The following FANCC variants were observed in gnomAD, a reference collection of about 807,000 sequenced individuals.
The protein encoded by FANCC is Fanconi anemia group C protein.
Under a neutral mutation model 71.3 loss-of-function variants are expected in FANCC, and 55 were observed. The observed-to-expected ratio is 0.77, with a 90% CI of 0.62 to 0.97. FANCC has a LOEUF of 0.97. FANCC is among the 50% of genes least tolerant of loss of function. The pLI, the probability that FANCC is intolerant of heterozygous loss-of-function variation, is 0.00. For missense variants in FANCC, 678 were observed against 670.9 expected, an observed-to-expected ratio of 1.01 and a Z score of -0.12; for synonymous variants, 275 against 244.9, an observed-to-expected ratio of 1.12 and a Z score of -1.15.
At chr9:95,224,505 A>T (rs902549843) in intron 4 of FANCC, among the ~76,000 whole-genome samples, 2 of 140,158 alleles carry the variant, frequency 1.4e-5, no homozygotes, top group East Asian at 4.0e-4. Flanking sequence ...AAGATTGGTT[A>T]AAAAAAAAAA....
At chr9:95,285,949 T>C (rs1275273767) in intron 1 of FANCC, among the ~76,000 whole-genome samples, 2 of 152,186 alleles carry the variant, frequency 1.3e-5, no homozygotes, top group Non-Finnish European at 2.9e-5. Flanking sequence ...TCTCCAACAA[T>C]AAGCAATGAA....
intron 6 of FANCC, among the ~76,000 whole-genome samples, chr9:95,163,529 T>C (rs1830875216): frequency 6.6e-6 from 1 of 152,182 alleles, no homozygotes; most frequent in Non-Finnish European, 1.5e-5. Flanking sequence ...AACCTGAAGA[T>C]TGCTTTGGGT....
chr9:95,191,538 C>G (rs1161496645), intron 4 of FANCC, among the ~76,000 whole-genome samples: 1 of 151,856 alleles, frequency 6.6e-6, no homozygotes, highest in Non-Finnish European at 1.5e-5. Context: ...AATTCTAGTT[C>G]CAGCCCTGCC....
intron 4 of FANCC, among the ~76,000 whole-genome samples, chr9:95,203,378 CA>C (rs55960295): frequency 1.1e-4 from 11 of 104,668 alleles, no homozygotes; most frequent in Admixed American, 5.7e-4. Context: ...GACCCTGTCT[CA>C]AAAAAAAAAA....
chr9:95,240,265 A>C (rs1382632425), intron 4 of FANCC, among the ~76,000 whole-genome samples: 2 of 152,226 alleles, frequency 1.3e-5, no homozygotes, highest in Non-Finnish European at 2.9e-5. Flanking sequence ...TTCACTACAA[A>C]ATAGATTTTG....
intron 1 of FANCC, among the ~76,000 whole-genome samples, chr9:95,310,587 T>TTCAG (rs1835331557): frequency 6.6e-6 from 1 of 152,172 alleles, no homozygotes; most frequent in African/African-American, 2.4e-5. Context: ...CTCAGATGTA[T>TTCAG]TCAGACTGGA....
chr9:95,249,934 A>C (rs1243527193), intron 1 of FANCC, among the ~76,000 whole-genome samples: 1 of 152,254 alleles, frequency 6.6e-6, no homozygotes, highest in African/African-American at 2.4e-5. Context: ...GCAATCTTTT[A>C]ACTAAAGATT....
intron 7 of FANCC, among the ~76,000 whole-genome samples, chr9:95,139,091 C>T (rs1225956176): frequency 6.6e-6 from 1 of 152,118 alleles, no homozygotes; most frequent in Non-Finnish European, 1.5e-5. Flanking sequence ...AGAATTTGGC[C>T]GAGCCAACAT....
intron 1 of FANCC, among the ~76,000 whole-genome samples, chr9:95,253,020 T>C (rs1467314524): frequency 6.6e-6 from 1 of 151,498 alleles, no homozygotes; most frequent in Admixed American, 6.6e-5. Flanking sequence ...ATAGCACCAC[T>C]GCACTCCACA....
intron 1 of FANCC, among the ~76,000 whole-genome samples, chr9:95,253,426 T>C (rs899727839): frequency 1.3e-5 from 2 of 152,232 alleles, no homozygotes; most frequent in Non-Finnish European, 2.9e-5. Context: ...TTCTTAATAA[T>C]GTAAGGTGTT....
chr9:95,274,649 A>G (rs1427330107), intron 1 of FANCC, among the ~76,000 whole-genome samples: 1 of 152,222 alleles, frequency 6.6e-6, no homozygotes, highest in Non-Finnish European at 1.5e-5. Flanking sequence ...CCAACAGTGT[A>G]AAAGCAAGGA....
At chr9:95,193,226 G>GC (rs1367994090) in intron 4 of FANCC, among the ~76,000 whole-genome samples, 6 of 152,156 alleles carry the variant, frequency 3.9e-5, no homozygotes, top group Admixed American at 3.9e-4. Flanking sequence ...GCAAGGGGGC[G>GC]CTACTCCAAA....
chr9:95,249,370 C>A lies in FANCC; in HGVS notation c.-78-1G>T. 1.4e-6 allele frequency: 2 copies of A among 1,420,156 alleles called. No homozygotes were observed. Among genetic ancestry groups the A allele is most frequent in the Non-Finnish European group, 9.9e-7 (1 of 1,011,308 alleles). 88.0% of individuals were successfully genotyped at this position (1,420,156 alleles called of 1,614,324 possible). A position where few individuals can be genotyped will look rare whatever the true frequency, so the allele number is the denominator to read the frequency against. On this transcript the variant is annotated splice_acceptor_variant, in intron 1 of 14. Transcript: ENST00000289081. LOFTEE classifies it low-confidence loss of function (5UTR_SPLICE). ...AGGAAATGGTCGGCACACATTAAATCTGTAAGAAAGGGAACAAATAGAAGC... is the reference window on the plus strand; with the variant it reads ...AGGAAATGGTCGGCACACATTAAATATGTAAGAAAGGGAACAAATAGAAGC...
At chr9:95,278,218 CAAT>C (rs1400092324) in intron 1 of FANCC, among the ~76,000 whole-genome samples, 1 of 151,954 alleles carries the variant, frequency 6.6e-6, no homozygotes. Context: ...ATATGTATAA[CAAT>C]AATGTCACAA....
intron 13 of FANCC, among the ~76,000 whole-genome samples, chr9:95,108,972 C>G (rs1022802009): frequency 5.3e-5 from 8 of 151,474 alleles, no homozygotes; most frequent in African/African-American, 1.9e-4. Context: ...GTGGTGCAAT[C>G]TCTACTCACT....
intron 3 of FANCC, among the ~76,000 whole-genome samples, chr9:95,247,210 C>CGT (rs1554857732): frequency 1.1e-3 from 133 of 123,644 alleles, no homozygotes; most frequent in East Asian, 7.8e-3. Flanking sequence ...GGTGCGTGCA[C>CGT]GCGTGTGTGT....
intron 13 of FANCC, chr9:95,107,585 A>G: frequency 2.1e-6 from 1 of 466,850 alleles, no homozygotes; most frequent in Non-Finnish European, 3.9e-6. Flanking sequence ...TTGTGGGAAA[A>G]AGAACAAAAG....
intron 1 of FANCC, among the ~76,000 whole-genome samples, chr9:95,298,869 T>C (rs2136350084): frequency 6.6e-6 from 1 of 152,316 alleles, no homozygotes; most frequent in South Asian, 2.1e-4. Flanking sequence ...ATCAATCTTG[T>C]ACCACAAACG....
Position 95,172,081 on chromosome 9 carries a change from G to T in FANCC, c.412C>A (p.Leu138Ile). 1 of 1,613,198 alleles carries T rather than the reference G, an allele frequency of 6.2e-7. No individual in the cohort carries two copies. The highest frequency in any genetic ancestry group is 8.5e-7 in the Non-Finnish European group (1 of 1,179,322). ...TAGTAATCTATAGGTGCATACCCAA[G>T]ACCTTGAGTGAAAAGAGCAACTTCT... ...DKEVALFTQGLGYAPIDYYPG... is the reference protein window; with the variant it reads ...DKEVALFTQGIGYAPIDYYPG... The change falls in exon 5 of 15, where the codon CTT becomes ATT. Residue 138 changes from leucine to isoleucine, a missense_variant. Physicochemically the swap from Leu to Ile is conservative, Grantham distance 5 (BLOSUM62 2). Coordinates refer to ENST00000289081, the MANE Select transcript of FANCC (RefSeq NM_000136.3).
Sources: allele counts gnomAD v4.1 joint callset (sites outside exome capture counted in the v4.1 genomes callset), GRCh38; gene constraint gnomAD v4.1.1; transcripts MANE v1.5; gene names NCBI Gene and HGNC (gene_info 2026-07-23, HGNC 2026-07-21).